PODN: variants seen among roughly 807,000 people sequenced by gnomAD.
PODN encodes podocan.
In PODN, 40 loss-of-function variants were observed where a neutral mutation model predicts 52.7. The observed-to-expected ratio is 0.76, with a 90% CI of 0.59 to 0.99. PODN has a LOEUF of 0.99. Among genes scored for constraint, PODN ranks in the 50% least tolerant of loss-of-function variants. PODN has a pLI of 0.00. For missense variants in PODN, 720 were observed against 815.1 expected (o/e 0.88, Z 1.42); for synonymous variants, 396 against 377.9 (o/e 1.05, Z -0.56).
intron 9 of PODN, among the ~76,000 whole-genome samples, chr1:53,081,743 A>G (rs113634503): frequency 3.9e-5 from 6 of 152,016 alleles, no homozygotes; most frequent in Admixed American, 3.9e-4. Flanking sequence ...GCAGAGAGAG[A>G]CCCCTCACTT....
At chr1:53,080,237 C>A (rs1209479642) in intron 8 of PODN, among the ~76,000 whole-genome samples, 24 of 152,314 alleles carry the variant, frequency 1.6e-4, no homozygotes, top group Non-Finnish European at 2.2e-4. Flanking sequence ...GCACGTGTGG[C>A]CCCTGAGGTC....
intron 6 of PODN, 130 bp downstream of exon 6, chr1:53,077,476 A>G (rs1194717504): frequency 4.3e-6 from 6 of 1,381,326 alleles, no homozygotes; most frequent in Non-Finnish European, 5.9e-6. Context: ...CGGGGCTGAC[A>G]GCAAGGAGTC....
Position 53,078,881 on chromosome 1 carries a change from G to T in PODN, c.1371G>T (p.Lys457Asn). The T allele has an allele frequency of 6.2e-7, 1 of 1,612,032 alleles. No individual in the cohort carries two copies. The highest frequency in any genetic ancestry group is 8.5e-7 in the Non-Finnish European group (1 of 1,179,386). The change falls in exon 8 of 11, where the codon AAG becomes AAT. Residue 457 changes from lysine (K) to asparagine (N), a missense_variant. Physicochemically the swap from Lys to Asn is moderately conservative, Grantham distance 94. Coordinates refer to ENST00000312553, the MANE Select transcript of PODN (RefSeq NM_153703.5). ...PGLPRNVHVL[K>N]VKRNELAALA... is the part of the protein sequence containing the mutation. ...TGCCTCGAAATGTCCATGTGCTGAAGGTCAAGCGCAATGAGCTGGCTGCCT... is the reference window on the plus strand; with the variant it reads ...TGCCTCGAAATGTCCATGTGCTGAATGTCAAGCGCAATGAGCTGGCTGCCT...
rs569262655 is a variant in PODN, at chr1:53,085,291, C to G, written c.*806C>G. 8.5e-5 allele frequency: 13 copies of G among 152,378 alleles called. No individual in the cohort carries two copies. Among genetic ancestry groups the G allele is most frequent in the African/African-American group, 3.1e-4 (13 of 41,546 alleles). The allele number at this position is 152,378 out of a possible 1,614,324, so 9.4% of individuals were successfully genotyped here. A position where few individuals can be genotyped will look rare whatever the true frequency, so the allele number is the denominator to read the frequency against. ...CCTGGGTGCTGCTGGGGCCTTGGGGCAGGAGTGAAGCAGAGGTGATGGGGC... is the reference window on the plus strand; with the variant it reads ...CCTGGGTGCTGCTGGGGCCTTGGGGGAGGAGTGAAGCAGAGGTGATGGGGC... On this transcript the variant is annotated 3_prime_UTR_variant, in exon 11 of 11. Coordinates refer to ENST00000312553, the MANE Select transcript of PODN (RefSeq NM_153703.5).
At chr1:53,063,596 A>G (rs2150289425) in intron 1 of PODN, 1 of 984,736 alleles carries the variant, frequency 1.0e-6, no homozygotes, top group South Asian at 4.7e-5. Context: ...CTGCCCTGGG[A>G]AAGACCAGGG....
Position 53,084,621 on chromosome 1 carries a change from CAT to C in PODN, c.*137_*138del, listed in dbSNP as rs1417524125. On this transcript the variant is annotated 3_prime_UTR_variant, in exon 11 of 11. Transcript: ENST00000312553. ...CCAGCTGCACACATGAGGCATCCCACATGACACGGGCTGACACAGTCTCATAT... is the reference window on the plus strand; with the variant it reads ...CCAGCTGCACACATGAGGCATCCCACGACACGGGCTGACACAGTCTCATAT... 1 of 152,572 alleles carries C rather than the reference CAT, an allele frequency of 6.6e-6. No individual in the cohort carries two copies. The highest frequency in any genetic ancestry group is 6.5e-5 in the Admixed American group (1 of 15,270). The allele number at this position is 152,572 out of a possible 1,614,324, so 9.5% of individuals were successfully genotyped here. A position where few individuals can be genotyped will look rare whatever the true frequency, so the allele number is the denominator to read the frequency against.
At chr1:53,077,845 G>C in intron 7 of PODN, 45 bp downstream of exon 7, 1 of 1,541,178 alleles carries the variant, frequency 6.5e-7, no homozygotes, top group Non-Finnish European at 8.9e-7. Flanking sequence ...CACGGGGCCC[G>C]GGAAGCTCCT....
Position 53,071,522 on chromosome 1 carries a change from C to T in PODN, c.313-13C>T. 1.9e-6 allele frequency: 3 copies of T among 1,610,558 alleles called. No homozygotes were observed. The South Asian group carries it at 3.3e-5, about 18-fold the overall frequency. ...GGCTGATGCTGCTTCCTTGCGGCCC[C>T]CTACCCCCCTAGAACAACCAGCTGG... On this transcript the variant is annotated splice_polypyrimidine_tract_variant and intron_variant, in intron 2 of 10. Coordinates refer to ENST00000312553, the MANE Select transcript of PODN (RefSeq NM_153703.5).
intron 8 of PODN, among the ~76,000 whole-genome samples, chr1:53,080,065 T>G (rs151108410): frequency 0.011 from 1,689 of 150,694 alleles, 24 homozygotes; most frequent in African/African-American, 0.034. Context: ...GTGCTGCCAG[T>G]TTAGGCACTG....
At position 53,074,670 on chromosome 1, in the gene PODN, G is replaced by A. The variant is rs371829736; in HGVS notation, c.471G>A (p.Lys157=). 2 of 1,613,806 alleles carry A rather than the reference G, an allele frequency of 1.2e-6. No individual in the cohort carries two copies. Among genetic ancestry groups the A allele is most frequent in the Non-Finnish European group, 1.7e-6 (2 of 1,179,976 alleles). The stretch of plus-strand genomic sequence containing the variant: ...ATTACCTGTACTTGGCCAATAACAA[G>A]GTGAGGGGCTTGAGGCAGGGTGGGG... ...NLNYLYLANN[K]LTLAPRFLPN... The change falls in exon 4 of 11, where the codon AAG becomes AAA. Residue 157 remains lysine, a splice_region_variant and synonymous_variant. Transcript: ENST00000312553.
rs1422464519 is a variant in PODN at position 53,077,198 on chromosome 1, A to G, written c.590A>G (p.Tyr197Cys). Residue 197 changes from tyrosine (Y) to cysteine (C), a missense_variant, in exon 6 of 11, where the codon TAC (tyrosine) becomes TGC (cysteine). Transcript: ENST00000312553. ...FGQKPNLRSVYLHNNKLADAG... is the reference protein window; with the variant it reads ...FGQKPNLRSVCLHNNKLADAG... ...TGTGCCTTGACCCCCAGGTCTGTGTACCTGCACAACAACAAGCTGGCAGAC... is the reference window on the plus strand; with the variant it reads ...TGTGCCTTGACCCCCAGGTCTGTGTGCCTGCACAACAACAAGCTGGCAGAC... 3 of 1,613,102 alleles carry G rather than the reference A, an allele frequency of 1.9e-6. No homozygotes were observed. Among genetic ancestry groups the G allele is most frequent in the Non-Finnish European group, 2.5e-6 (3 of 1,179,962 alleles).
At chr1:53,076,277 C>T (rs1343722891) in intron 5 of PODN, among the ~76,000 whole-genome samples, 2 of 152,248 alleles carry the variant, frequency 1.3e-5, no homozygotes, top group Non-Finnish European at 2.9e-5. Flanking sequence ...GGAGGAGCAA[C>T]CGCCCCCCAG....
At position 53,078,501 on chromosome 1, in the gene PODN, C is replaced by G; in HGVS notation, c.991C>G (p.Pro331Ala). 3 of 1,613,294 alleles carry G rather than the reference C, an allele frequency of 1.9e-6. No individual in the cohort carries two copies. The highest frequency in any genetic ancestry group is 2.5e-6 in the Non-Finnish European group (3 of 1,180,030). The change falls in exon 8 of 11, where the codon CCC becomes GCC. Residue 331 changes from proline to alanine, a missense_variant. Coordinates refer to ENST00000312553, the MANE Select transcript of PODN (RefSeq NM_153703.5). ...IRSVDANVLTPIRSLEYLLLH... is the reference protein window; with the variant it reads ...IRSVDANVLTAIRSLEYLLLH... Reference sequence around the variant, plus strand: ...GAGCGTGGACGCGAATGTGCTGACCCCCATCCGCAGCCTGGAGTACCTGCT... The same window carrying G: ...GAGCGTGGACGCGAATGTGCTGACCGCCATCCGCAGCCTGGAGTACCTGCT...
intron 1 of PODN, among the ~76,000 whole-genome samples, chr1:53,065,968 A>G (rs1473946279): frequency 1.3e-5 from 2 of 150,994 alleles, no homozygotes; most frequent in Non-Finnish European, 2.9e-5. Flanking sequence ...TGCAAGCCAC[A>G]TATGCAATGC....
chr1:53,065,587 C>CA (rs1375032380), intron 1 of PODN, among the ~76,000 whole-genome samples: 1 of 152,234 alleles, frequency 6.6e-6, no homozygotes, highest in East Asian at 1.9e-4. Context: ...CCTTAGCCCT[C>CA]ACCTGTCCCA....
rs1420482609 is a variant in PODN, at chr1:53,078,900, G to T, written c.1390G>T (p.Ala464Ser). The stretch of plus-strand genomic sequence containing the variant: ...GCTGAAGGTCAAGCGCAATGAGCTG[G>T]CTGCCTTGGCACGAGGGGCGCTGGT... ...HVLKVKRNEL[A>S]ALARGALVGM... Residue 464 changes from alanine (A) to serine (S), a missense_variant, in exon 8 of 11, where the codon GCT (alanine) becomes TCT (serine). Ala to Ser is a moderately conservative substitution (Grantham distance 99). Coordinates refer to ENST00000312553, the MANE Select transcript of PODN (RefSeq NM_153703.5). 6.2e-7 allele frequency: 1 copy of T among 1,609,112 alleles called. No homozygotes were observed. The highest frequency in any genetic ancestry group is 1.7e-5 in the Admixed American group (1 of 59,424).
rs369086183 is a variant in PODN at position 53,077,650 on chromosome 1, C to G, written c.739-35C>G. The G allele has an allele frequency of 4.8e-4, 750 of 1,577,922 alleles. 2 individuals carry two copies. The African/African-American group carries it at 8.5e-3, about 18-fold the overall frequency. ...GGCCCTGACCTTGCCCTCGGCCCTCCCTCACAATCTCCTCCCTTCCCTTCC... is the reference window on the plus strand; with the variant it reads ...GGCCCTGACCTTGCCCTCGGCCCTCGCTCACAATCTCCTCCCTTCCCTTCC... On this transcript the variant is annotated intron_variant, in intron 6 of 10. Coordinates refer to ENST00000312553, the MANE Select transcript of PODN (RefSeq NM_153703.5).
intron 1 of PODN, among the ~76,000 whole-genome samples, chr1:53,066,096 G>C (rs917188217): frequency 6.7e-6 from 1 of 148,550 alleles, no homozygotes. Flanking sequence ...CCTGGGCTCA[G>C]GTGATCCTCC....
At chr1:53,069,650 G>A in intron 1 of PODN, 151 bp from the exon 2 acceptor site, 3 of 1,189,948 alleles carry the variant, frequency 2.5e-6, no homozygotes, top group Non-Finnish European at 2.3e-6. Context: ...CGCCTCTGGA[G>A]GGCAGCCTGG....
Sources: gnomAD v4.1 joint callset for allele counts (sites outside exome capture counted in the v4.1 genomes callset) on GRCh38, gnomAD v4.1.1 for gene constraint, MANE v1.5 for transcripts, NCBI Gene and HGNC (gene_info 2026-07-23, HGNC 2026-07-21) for gene names.